Variants in TENM3 observed in about 807,000 individuals in gnomAD.
TENM3 encodes teneurin transmembrane protein 3.
Under a neutral mutation model 255.1 loss-of-function variants are expected in TENM3, and 63 were observed. The observed-to-expected ratio is 0.25, with a 90% CI of 0.20 to 0.30. The LOEUF (loss-of-function observed/expected upper bound fraction) is 0.30. Ranked by LOEUF, TENM3 falls within the 10% of genes least tolerant of loss-of-function variation. TENM3 has a pLI of 1.00. For synonymous variants in TENM3, 1,306 were observed against 1,322.3 expected, an observed-to-expected ratio of 0.99 and a Z score of 0.27; for missense variants, 2,929 against 3,461.1, an observed-to-expected ratio of 0.85 and a Z score of 3.86.
At chr4:182,308,147 G>A (rs1323476427) in intron 1 of TENM3, among the ~76,000 whole-genome samples, 3 of 152,150 alleles carry the variant, frequency 2.0e-5, no homozygotes, top group Non-Finnish European at 4.4e-5. Context: ...TTATTGGGAG[G>A]TGCCTCCTTT....
At chr4:182,482,963 A>T (rs985349960) in intron 3 of TENM3, among the ~76,000 whole-genome samples, 13 of 152,186 alleles carry the variant, frequency 8.5e-5, no homozygotes, top group Admixed American at 2.6e-4. Flanking sequence ...CATATACTTA[A>T]AGTTTTCATT....
chr4:181,467,538 T>A, the TENM3 span, among the ~76,000 whole-genome samples: 1 of 152,060 alleles, frequency 6.6e-6, no homozygotes, highest in Non-Finnish European at 1.5e-5. Flanking sequence ...TTCAATAAAT[T>A]AAAAAATTTA....
chr4:182,755,424 C>G (rs530806944), intron 22 of TENM3, 165 bp downstream of exon 22: 2 of 637,780 alleles, frequency 3.1e-6, no homozygotes, highest in East Asian at 5.8e-5. Flanking sequence ...TTCCCGTAGT[C>G]TCAGCTCCTG....
chr4:182,425,021 A>G (rs1372839449), intron 3 of TENM3, among the ~76,000 whole-genome samples: 1 of 152,180 alleles, frequency 6.6e-6, no homozygotes, highest in Non-Finnish European at 1.5e-5. Context: ...AAAATTGAAT[A>G]CTTGCACATC....
chr4:182,427,033 G>T (rs1771272930), intron 3 of TENM3, among the ~76,000 whole-genome samples: 1 of 152,002 alleles, frequency 6.6e-6, no homozygotes, highest in East Asian at 1.9e-4. Context: ...TAATGTTTTG[G>T]ATTTGGTATT....
intron 3 of TENM3, among the ~76,000 whole-genome samples, chr4:182,485,250 C>T (rs1734585357): frequency 6.6e-6 from 1 of 152,024 alleles, no homozygotes. Context: ...AATGCATCAG[C>T]AAAACTGCTG....
At chr4:182,558,151 G>C (rs930179832) in intron 3 of TENM3, among the ~76,000 whole-genome samples, 1 of 152,192 alleles carries the variant, frequency 6.6e-6, no homozygotes, top group Non-Finnish European at 1.5e-5. Context: ...GAGTGCACAA[G>C]AGGAAAGAAT....
At chr4:182,516,560 A>T (rs1009902264) in intron 3 of TENM3, among the ~76,000 whole-genome samples, 2 of 152,092 alleles carry the variant, frequency 1.3e-5, no homozygotes, top group African/African-American at 4.8e-5. Flanking sequence ...GTACTTTCCC[A>T]TTATTTCATA....
chr4:182,558,555 G>A (rs1742805036), intron 3 of TENM3, among the ~76,000 whole-genome samples: 1 of 152,176 alleles, frequency 6.6e-6, no homozygotes, highest in Non-Finnish European at 1.5e-5. Context: ...TGGAGTAAGA[G>A]GAAGTAGATT....
the TENM3 span, among the ~76,000 whole-genome samples, chr4:182,094,619 A>C: frequency 1.4e-3 from 220 of 152,324 alleles, 1 homozygote; most frequent in African/African-American, 4.9e-3. Flanking sequence ...GTTGAGGTCA[A>C]ATCTCATACA....
intron 3 of TENM3, among the ~76,000 whole-genome samples, chr4:182,368,918 CAT>C (rs1396859851): frequency 6.6e-6 from 1 of 152,118 alleles, no homozygotes; most frequent in East Asian, 1.9e-4. Context: ...CTATTTCGAT[CAT>C]ATGTTTTCCC....
chr4:182,115,146 A>T, the TENM3 span, among the ~76,000 whole-genome samples: 1 of 152,162 alleles, frequency 6.6e-6, no homozygotes, highest in Admixed American at 6.6e-5. Context: ...ATGCCCCTGC[A>T]CTCCAGCCTA....
the TENM3 span, among the ~76,000 whole-genome samples, chr4:182,007,110 A>G: frequency 1.3e-5 from 2 of 152,038 alleles, no homozygotes; most frequent in Non-Finnish European, 2.9e-5. Context: ...TTATGATTTC[A>G]GTTCTTCTGC....
the TENM3 span, among the ~76,000 whole-genome samples, chr4:181,863,709 T>C: frequency 6.6e-6 from 1 of 152,194 alleles, no homozygotes; most frequent in Admixed American, 6.5e-5. Context: ...CTTATGAAAC[T>C]TTTTGTGTGC....
the TENM3 span, among the ~76,000 whole-genome samples, chr4:181,566,016 C>T: frequency 6.6e-6 from 1 of 152,186 alleles, no homozygotes; most frequent in East Asian, 1.9e-4. Flanking sequence ...AAACCACATA[C>T]TACTACATGC....
At chr4:182,053,053 A>G in the TENM3 span, among the ~76,000 whole-genome samples, 2 of 152,262 alleles carry the variant, frequency 1.3e-5, no homozygotes, top group East Asian at 1.9e-4. Context: ...TTCTGGTTTC[A>G]AATTGTTCTC....
At chr4:182,716,720 C>G (rs1461318422) in intron 13 of TENM3, among the ~76,000 whole-genome samples, 2 of 152,210 alleles carry the variant, frequency 1.3e-5, no homozygotes, top group East Asian at 3.8e-4. Flanking sequence ...TATATGAAGA[C>G]AGTCGAACAG....
chr4:182,361,153 C>T (rs1432844413), intron 3 of TENM3, among the ~76,000 whole-genome samples: 9 of 152,134 alleles, frequency 5.9e-5, no homozygotes, highest in African/African-American at 1.9e-4. Context: ...CTGCCCTTAA[C>T]ATTTTTTCCT....
At chr4:182,433,899 G>A (rs113661325) in intron 3 of TENM3, among the ~76,000 whole-genome samples, 1 of 152,108 alleles carries the variant, frequency 6.6e-6, no homozygotes, top group African/African-American at 2.4e-5. Flanking sequence ...AGGATGACTT[G>A]AGGCCAGGAG....
Sources: allele counts gnomAD v4.1 joint callset (sites outside exome capture counted in the v4.1 genomes callset), GRCh38; gene constraint gnomAD v4.1.1; transcripts MANE v1.5; gene names NCBI Gene and HGNC (gene_info 2026-07-23, HGNC 2026-07-21).